EGFR: variants seen among roughly 807,000 people sequenced by gnomAD.
EGFR encodes epidermal growth factor receptor, also known as avian erythroblastic leukemia viral (v-erb-b) oncogene homolog.
A neutral mutation model predicts 143.0 loss-of-function variants in EGFR; 58 were observed. That is an observed-to-expected ratio of 0.41 (90% confidence interval 0.33 to 0.50). The LOEUF (loss-of-function observed/expected upper bound fraction) is 0.50. Among genes scored for constraint, EGFR ranks in the 20% least tolerant of loss-of-function variants. EGFR has a pLI of 0.39. For synonymous variants in EGFR, 613 were observed against 594.4 expected (o/e 1.03, Z -0.45); for missense variants, 1,307 against 1,579.0 (o/e 0.83, Z 2.92).
chr7:55,072,843 G>A (rs1056397037), intron 1 of EGFR, among the ~76,000 whole-genome samples: 1 of 152,166 alleles, frequency 6.6e-6, no homozygotes, highest in Non-Finnish European at 1.5e-5. Flanking sequence ...TTTCCTGTGT[G>A]CTTGTCAGTT....
chr7:55,069,198 A>G (rs1016790281), intron 1 of EGFR, among the ~76,000 whole-genome samples: 1 of 152,196 alleles, frequency 6.6e-6, no homozygotes, highest in African/African-American at 2.4e-5. Context: ...TAAAATTCAG[A>G]TAATTAAGAC....
intron 1 of EGFR, among the ~76,000 whole-genome samples, chr7:55,110,875 TG>T (rs774926761): frequency 2.0e-5 from 3 of 152,118 alleles, no homozygotes; most frequent in Non-Finnish European, 4.4e-5. Context: ...AGGGCCAAGA[TG>T]GGAGTGATTT....
At chr7:55,160,090 A>G (rs1450331070) in intron 11 of EGFR, 49 bp from the exon 12 acceptor site, 7 of 1,601,712 alleles carry the variant, frequency 4.4e-6, no homozygotes, top group Admixed American at 3.3e-5. Context: ...TCAGGGATAC[A>G]TTGTTTTTAT....
chr7:55,169,076 G>A (rs1341594732), intron 15 of EGFR, among the ~76,000 whole-genome samples: 2 of 152,002 alleles, frequency 1.3e-5, no homozygotes, highest in Non-Finnish European at 2.9e-5. Context: ...CAGACGAGGG[G>A]GAGGAACCCT....
chr7:55,048,457 T>TG (rs1294462878), intron 1 of EGFR, among the ~76,000 whole-genome samples: 1 of 152,246 alleles, frequency 6.6e-6, no homozygotes, highest in East Asian at 1.9e-4. Flanking sequence ...GATGCATACC[T>TG]GCATCTTTTT....
intron 1 of EGFR, among the ~76,000 whole-genome samples, chr7:55,099,549 A>G (rs560626499): frequency 2.1e-4 from 32 of 152,320 alleles, no homozygotes; most frequent in African/African-American, 6.7e-4. Context: ...GTTGGAAAAG[A>G]GTATTTGGCA....
Position 55,205,583 on chromosome 7 carries a change from TCGCGC to T in EGFR, c.3601_3605del (p.Ala1201ThrfsTer4). ...GCTGAAAATGCAGAATACCTAAGGG[TCGCGC>T]CACAAAGCAGTGAATTTATTGGAGC... On this transcript the variant is annotated frameshift_variant, in exon 28 of 28. Coordinates refer to ENST00000275493, the MANE Select transcript of EGFR (RefSeq NM_005228.5). LOFTEE classifies it high-confidence loss of function. 6.2e-7 allele frequency: 1 copy of T among 1,614,048 alleles called. No individual in the cohort carries two copies. Among genetic ancestry groups the T allele is most frequent in the Non-Finnish European group, 8.5e-7 (1 of 1,180,028 alleles).
At chr7:55,097,560 T>C (rs534315303) in intron 1 of EGFR, among the ~76,000 whole-genome samples, 4 of 152,238 alleles carry the variant, frequency 2.6e-5, no homozygotes, top group African/African-American at 9.6e-5. Flanking sequence ...GCAGTGTCTA[T>C]AATTTATATT....
intron 22 of EGFR, among the ~76,000 whole-genome samples, chr7:55,196,391 A>G (rs946139908): frequency 1.3e-5 from 2 of 151,712 alleles, no homozygotes; most frequent in Admixed American, 6.6e-5. Context: ...TTGTGAATTT[A>G]CTTAAGTTCC....
rs1584203824 is a variant in EGFR at position 55,166,356 on chromosome 7, C to T, written c.1880+919C>T. ...CTCAGCTTTGTTTGGAACTGTTACT[C>T]ATTCTTTCTCTGAATCCATCTGTAT... is the stretch of plus-strand genomic sequence containing the variant. On this transcript the variant is annotated intron_variant, in intron 15 of 27. Transcript: ENST00000275493. 4 of 560,820 alleles carry T rather than the reference C, an allele frequency of 7.1e-6. No homozygotes were observed. The East Asian group carries it at 1.4e-4, about 20-fold the overall frequency. The allele number at this position is 560,820 out of a possible 1,614,324, so 34.7% of individuals were successfully genotyped here. A position where few individuals can be genotyped will look rare whatever the true frequency, so the allele number is the denominator to read the frequency against.
At chr7:55,020,366 C>A (rs1010608249) in intron 1 of EGFR, among the ~76,000 whole-genome samples, 1 of 152,208 alleles carries the variant, frequency 6.6e-6, no homozygotes. Context: ...ACGCGGCTGT[C>A]CGGCCACTGC....
intron 1 of EGFR, among the ~76,000 whole-genome samples, chr7:55,025,426 T>C (rs1449608174): frequency 6.6e-6 from 1 of 152,012 alleles, no homozygotes; most frequent in Non-Finnish European, 1.5e-5. Flanking sequence ...GAAGCCTGGA[T>C]AGATACTGAA....
intron 1 of EGFR, among the ~76,000 whole-genome samples, chr7:55,122,339 C>T (rs1793257092): frequency 1.3e-5 from 2 of 152,190 alleles, no homozygotes; most frequent in Non-Finnish European, 1.5e-5. Flanking sequence ...GTTAGTGTTC[C>T]CTCACTCCCC....
intron 1 of EGFR, among the ~76,000 whole-genome samples, chr7:55,057,907 C>CAACGTGCT (rs1359889459): frequency 6.6e-6 from 1 of 152,218 alleles, no homozygotes; most frequent in Non-Finnish European, 1.5e-5. Flanking sequence ...CTCACAAAAG[C>CAACGTGCT]AACGTGCTCT....
At chr7:55,026,255 C>T (rs1786876453) in intron 1 of EGFR, among the ~76,000 whole-genome samples, 1 of 152,150 alleles carries the variant, frequency 6.6e-6, no homozygotes, top group African/African-American at 2.4e-5. Flanking sequence ...TGAGCTCCTT[C>T]GAGATCCAGA....
intron 4 of EGFR, among the ~76,000 whole-genome samples, chr7:55,150,935 C>T (rs1785118634): frequency 6.6e-6 from 1 of 152,224 alleles, no homozygotes; most frequent in Non-Finnish European, 1.5e-5. Context: ...ATGCCAAAGG[C>T]TCAGCCAGAC....
At position 55,019,252 on chromosome 7, in the gene EGFR, C is replaced by T. The variant is rs1786362620; in HGVS notation, c.-26C>T. On this transcript the variant is annotated 5_prime_UTR_variant, in exon 1 of 28. Coordinates refer to ENST00000275493, the MANE Select transcript of EGFR (RefSeq NM_005228.5). ...TCCGTCCAGTATTGATCGGGAGAGC[C>T]GGAGCGAGCTCTTCGGGGAGCAGCG... is the stretch of plus-strand genomic sequence containing the variant. 6.8e-7 allele frequency: 1 copy of T among 1,471,472 alleles called. No individual in the cohort carries two copies. The allele number at this position is 1,471,472 out of a possible 1,614,324, so 91.2% of individuals were successfully genotyped here. A position where few individuals can be genotyped will look rare whatever the true frequency, so the allele number is the denominator to read the frequency against.
At chr7:55,084,507 A>G (rs1256453677) in intron 1 of EGFR, among the ~76,000 whole-genome samples, 2 of 152,228 alleles carry the variant, frequency 1.3e-5, no homozygotes, top group Admixed American at 6.5e-5. Context: ...CATCTGCACA[A>G]CTTCAACTTT....
chr7:55,019,204 A>G lies in EGFR; in HGVS notation c.-74A>G. ...TCCCCGCCTCGCCGCCAACGCCACA[A>G]CCACCGCGCACGGCCCCCTGACTCC... On this transcript the variant is annotated 5_prime_UTR_variant, in exon 1 of 28. Coordinates refer to ENST00000275493, the MANE Select transcript of EGFR (RefSeq NM_005228.5). The G allele has an allele frequency of 1.6e-6, 2 of 1,252,776 alleles. No individual in the cohort carries two copies. The highest frequency in any genetic ancestry group is 2.2e-6 in the Non-Finnish European group (2 of 930,130). The allele number at this position is 1,252,776 out of a possible 1,614,324, so 77.6% of individuals were successfully genotyped here. A position where few individuals can be genotyped will look rare whatever the true frequency, so the allele number is the denominator to read the frequency against.
Sources: allele counts gnomAD v4.1 joint callset (sites outside exome capture counted in the v4.1 genomes callset), GRCh38; gene constraint gnomAD v4.1.1; transcripts MANE v1.5; gene names NCBI Gene and HGNC (gene_info 2026-07-23, HGNC 2026-07-21).